SNTG2: variants seen among roughly 807,000 people sequenced by gnomAD.
SNTG2 encodes gamma-2-syntrophin.
Under a neutral mutation model 70.9 loss-of-function variants are expected in SNTG2, and 74 were observed. The observed-to-expected ratio is 1.04, with a 90% CI of 0.86 to 1.27. The LOEUF is 1.27. Ranked by LOEUF, SNTG2 falls within the 50% of genes most tolerant of loss-of-function variation. SNTG2 has a pLI of 0.00. For synonymous variants in SNTG2, 278 were observed against 273.8 expected (o/e 1.02, Z -0.15); for missense variants, 717 against 690.7 (o/e 1.04, Z -0.43).
chr2:1,114,780 C>T lies in SNTG2; in HGVS notation c.325+16370C>T, dbSNP rs1250687744. On this transcript the variant is annotated intron_variant, in intron 4 of 16. Transcript: ENST00000308624. ...ACCCTTATACTCCTTTGAGAAGGAT[C>T]GTGTGTACTAAGGGAAGTTTAACCC... Among the ~76,000 whole-genome samples, 3 of 151,772 alleles carry T rather than the reference C, an allele frequency of 2.0e-5. No homozygotes were observed. In the South Asian group the frequency reaches 6.2e-4, roughly 31 times the overall value.
intron 8 of SNTG2, among the ~76,000 whole-genome samples, chr2:1,205,633 G>A (rs1374989182): frequency 6.6e-6 from 1 of 152,158 alleles, no homozygotes; most frequent in Non-Finnish European, 1.5e-5. Context: ...CTTGCTTTGA[G>A]TCTCTGAACC....
In SNTG2 at chr2:1,266,309, G is replaced by A. The variant is rs184666387; in HGVS notation, c.1078-1056G>A. ...CCCCCAGTCTTTCTCTTCTGCCCTTGATAAAATGAATCCCGAAGTGGGGTG... is the reference window on the plus strand; with the variant it reads ...CCCCCAGTCTTTCTCTTCTGCCCTTAATAAAATGAATCCCGAAGTGGGGTG... On this transcript the variant is annotated intron_variant, in intron 13 of 16. Coordinates refer to ENST00000308624, the MANE Select transcript of SNTG2 (RefSeq NM_018968.4). 3.1e-4 allele frequency among the ~76,000 whole-genome samples: 47 copies of A among 152,272 alleles called. No individual in the cohort carries two copies. The South Asian group carries it at 8.7e-3, about 28-fold the overall frequency.
At chr2:1,053,679 C>T (rs545778524) in intron 1 of SNTG2, among the ~76,000 whole-genome samples, 31 of 152,222 alleles carry the variant, frequency 2.0e-4, no homozygotes, top group African/African-American at 7.2e-4. Flanking sequence ...CATTTCCCAC[C>T]TCATTTGTGT....
intron 1 of SNTG2, among the ~76,000 whole-genome samples, chr2:974,924 A>C (rs570304965): frequency 6.6e-6 from 1 of 152,274 alleles, no homozygotes; most frequent in South Asian, 2.1e-4. Flanking sequence ...CAAAAAATAA[A>C]ATCTCATCTA....
chr2:1,306,986 GGAGT>G (rs1417851790), intron 14 of SNTG2, among the ~76,000 whole-genome samples: 2 of 151,846 alleles, frequency 1.3e-5, no homozygotes, highest in Non-Finnish European at 2.9e-5. Context: ...GGGTGTGTGT[GGAGT>G]GAGAGTCATG....
chr2:1,073,886 C>G (rs34061807), intron 1 of SNTG2, among the ~76,000 whole-genome samples: 86,267 of 152,116 alleles, frequency 0.57, 24,817 homozygotes, highest in East Asian at 0.68. Flanking sequence ...TTTAATATGC[C>G]TATTTTGTAG....
At chr2:953,005 A>G (rs1295564505) in intron 1 of SNTG2, among the ~76,000 whole-genome samples, 1 of 152,220 alleles carries the variant, frequency 6.6e-6, no homozygotes, top group Non-Finnish European at 1.5e-5. Flanking sequence ...AAAAAGATGA[A>G]AGTCTTTTCT....
chr2:1,192,970 C>T (rs1403266229), intron 8 of SNTG2, among the ~76,000 whole-genome samples: 1 of 152,198 alleles, frequency 6.6e-6, no homozygotes, highest in Admixed American at 6.5e-5. Context: ...GCAGGTCAGC[C>T]TCTGTGTTCA....
chr2:1,251,718 A>T (rs1171134277), intron 12 of SNTG2, among the ~76,000 whole-genome samples: 1 of 145,768 alleles, frequency 6.9e-6, no homozygotes, highest in Non-Finnish European at 1.5e-5. Context: ...CACACAACAC[A>T]AATAGACACA....
intron 1 of SNTG2, among the ~76,000 whole-genome samples, chr2:1,057,737 C>G (rs768431222): frequency 2.0e-5 from 3 of 152,130 alleles, no homozygotes; most frequent in African/African-American, 7.2e-5. Flanking sequence ...AGTTGACACT[C>G]ACTATTAACC....
chr2:1,144,730 A>C (rs563718601), intron 6 of SNTG2, among the ~76,000 whole-genome samples: 1 of 152,288 alleles, frequency 6.6e-6, no homozygotes, highest in South Asian at 2.1e-4. Flanking sequence ...ATTCACTACC[A>C]CAAGAACAGT....
At chr2:1,352,404 C>G (rs1660627681) in intron 16 of SNTG2, among the ~76,000 whole-genome samples, 1 of 152,160 alleles carries the variant, frequency 6.6e-6, no homozygotes, top group Non-Finnish European at 1.5e-5. Flanking sequence ...GGATGCAGGC[C>G]CCTCTGCCCA....
chr2:1,155,032 A>G (rs1669775297), intron 6 of SNTG2, among the ~76,000 whole-genome samples: 1 of 151,114 alleles, frequency 6.6e-6, no homozygotes, highest in Non-Finnish European at 1.5e-5. Context: ...CACCACACAT[A>G]CCACACATAC....
At chr2:1,022,734 A>T (rs946706734) in intron 1 of SNTG2, among the ~76,000 whole-genome samples, 2 of 152,148 alleles carry the variant, frequency 1.3e-5, no homozygotes, top group African/African-American at 4.8e-5. Context: ...GGGATTGGTG[A>T]TTATCAAAAT....
Position 1,027,680 on chromosome 2 carries a change from G to T in SNTG2, c.73-55838G>T, listed in dbSNP as rs1660557677. 1.4e-5 allele frequency among the ~76,000 whole-genome samples: 2 copies of T among 140,840 alleles called. 1 individual carries two copies. The highest frequency in any genetic ancestry group is 1.5e-4 in the Admixed American group (2 of 13,438). The allele number at this position is 140,840 out of a possible 152,430, so 92.4% of individuals were successfully genotyped here. A position where few individuals can be genotyped will look rare whatever the true frequency, so the allele number is the denominator to read the frequency against. On this transcript the variant is annotated intron_variant, in intron 1 of 16. Coordinates refer to ENST00000308624, the MANE Select transcript of SNTG2 (RefSeq NM_018968.4). ...CAGGTGCATCACTGAAGGTGCGTCTGACCTACAGACACTACCCAGCAAGTA... is the reference window on the plus strand; with the variant it reads ...CAGGTGCATCACTGAAGGTGCGTCTTACCTACAGACACTACCCAGCAAGTA...
At chr2:1,233,814 G>A (rs1676423709) in intron 9 of SNTG2, among the ~76,000 whole-genome samples, 1 of 152,068 alleles carries the variant, frequency 6.6e-6, no homozygotes, top group African/African-American at 2.4e-5. Flanking sequence ...CCTGGGAGGA[G>A]GGTAGACTTT....
At chr2:1,189,780 C>G (rs1672465945) in intron 8 of SNTG2, among the ~76,000 whole-genome samples, 1 of 152,106 alleles carries the variant, frequency 6.6e-6, no homozygotes, top group South Asian at 2.1e-4. Context: ...ATCTCTTGAC[C>G]TCGTGATCCA....
intron 15 of SNTG2, among the ~76,000 whole-genome samples, chr2:1,314,909 C>T (rs146597525): frequency 1.3e-4 from 20 of 152,272 alleles, no homozygotes; most frequent in Non-Finnish European, 2.9e-4. Context: ...GTCACGAGAA[C>T]AGCATGGGAA....
chr2:1,011,920 A>G (rs1172189043), intron 1 of SNTG2, among the ~76,000 whole-genome samples: 1 of 152,248 alleles, frequency 6.6e-6, no homozygotes, highest in African/African-American at 2.4e-5. Flanking sequence ...GTCCACTTGT[A>G]TATAGGCATG....
Sources: gnomAD v4.1 joint callset for allele counts (sites outside exome capture counted in the v4.1 genomes callset) on GRCh38, gnomAD v4.1.1 for gene constraint, MANE v1.5 for transcripts, NCBI Gene and HGNC (gene_info 2026-07-23, HGNC 2026-07-21) for gene names.